The following ULK4 variants were observed in gnomAD, a reference collection of about 807,000 sequenced individuals.
The protein encoded by ULK4 is inactive serine/threonine-protein kinase ULK4.
A neutral mutation model predicts 160.6 loss-of-function variants in ULK4; 133 were observed. That is an observed-to-expected ratio of 0.83 (90% CI 0.72 to 0.96). The LOEUF (loss-of-function observed/expected upper bound fraction) is 0.96. Ranked by LOEUF, ULK4 falls within the 40% of genes least tolerant of loss-of-function variation. The pLI, the probability that ULK4 is intolerant of heterozygous loss-of-function variation, is 0.00. For synonymous variants in ULK4, 534 were observed against 539.8 expected, an observed-to-expected ratio of 0.99 and a Z score of 0.15; for missense variants, 1,580 against 1,499.5, an observed-to-expected ratio of 1.05 and a Z score of -0.89.
chr3:41,397,633 C>CCA (rs2082089709), intron 35 of ULK4, among the ~76,000 whole-genome samples: 1 of 152,072 alleles, frequency 6.6e-6, no homozygotes, highest in Non-Finnish European at 1.5e-5. Context: ...ATTAAAGACA[C>CCA]ATGTCTACCA....
chr3:41,355,968 T>C (rs1001315972), intron 35 of ULK4, among the ~76,000 whole-genome samples: 5 of 152,206 alleles, frequency 3.3e-5, no homozygotes, highest in African/African-American at 1.2e-4. Context: ...ATGCAAACCA[T>C]TTTTCTAGCC....
chr3:41,933,308 A>C (rs1430920939), intron 4 of ULK4, among the ~76,000 whole-genome samples: 2 of 152,134 alleles, frequency 1.3e-5, no homozygotes, highest in Admixed American at 6.5e-5. Context: ...GGATCAGCAA[A>C]CTTTTTTGTT....
At chr3:41,431,549 T>C (rs1381731667) in intron 34 of ULK4, among the ~76,000 whole-genome samples, 4 of 129,978 alleles carry the variant, frequency 3.1e-5, no homozygotes, top group Non-Finnish European at 6.5e-5. Context: ...TTCCCTCCCT[T>C]TTTTTTTTTT....
At chr3:41,802,465 T>C (rs1230754983) in intron 19 of ULK4, among the ~76,000 whole-genome samples, 1 of 152,038 alleles carries the variant, frequency 6.6e-6, no homozygotes, top group Non-Finnish European at 1.5e-5. Flanking sequence ...CCCAGCCAAT[T>C]TTTTTTATTT....
intron 30 of ULK4, among the ~76,000 whole-genome samples, chr3:41,630,150 T>G (rs745723391): frequency 8.5e-5 from 13 of 152,180 alleles, no homozygotes; most frequent in Non-Finnish European, 1.9e-4. Context: ...CTTAAGGCAA[T>G]ACCCATTTAT....
At chr3:41,814,462 G>A (rs2040907175) in intron 19 of ULK4, among the ~76,000 whole-genome samples, 1 of 152,148 alleles carries the variant, frequency 6.6e-6, no homozygotes, top group African/African-American at 2.4e-5. Context: ...TGGGCGGGTG[G>A]TGAGTTCTGT....
intron 3 of ULK4, chr3:41,937,051 C>G: frequency 2.6e-6 from 1 of 378,810 alleles, no homozygotes; most frequent in Non-Finnish European, 4.8e-6. Context: ...TACTATATAC[C>G]TACAAAAATT....
chr3:41,794,676 AAAAAAAAAAAC>A (rs1338879721), intron 20 of ULK4, among the ~76,000 whole-genome samples: 1 of 131,400 alleles, frequency 7.6e-6, no homozygotes, highest in Non-Finnish European at 1.6e-5. Context: ...AAAAAAAAAA[AAAAAAAAAAAC>A]ACAGAAAAAA....
At chr3:41,591,809 C>T (rs1000573159) in intron 31 of ULK4, among the ~76,000 whole-genome samples, 1 of 152,166 alleles carries the variant, frequency 6.6e-6, no homozygotes, top group African/African-American at 2.4e-5. Flanking sequence ...CCCCACGTTG[C>T]ACAGTTCATG....
At chr3:41,334,628 C>T (rs2080515796) in intron 35 of ULK4, among the ~76,000 whole-genome samples, 2 of 152,208 alleles carry the variant, frequency 1.3e-5, no homozygotes, top group Admixed American at 1.3e-4. Flanking sequence ...TCCTCCTCCA[C>T]TTCCAGGGCT....
intron 17 of ULK4, among the ~76,000 whole-genome samples, chr3:41,880,359 A>G (rs920586372): frequency 5.9e-5 from 9 of 152,236 alleles, no homozygotes; most frequent in Admixed American, 4.6e-4. Flanking sequence ...TTCTAAATGC[A>G]TAAAGGAGAT....
At chr3:41,359,144 C>T (rs1023827636) in intron 35 of ULK4, among the ~76,000 whole-genome samples, 4 of 152,184 alleles carry the variant, frequency 2.6e-5, no homozygotes, top group Non-Finnish European at 5.9e-5. Flanking sequence ...AAACTTGAAG[C>T]TGCCATGACT....
intron 30 of ULK4, among the ~76,000 whole-genome samples, chr3:41,654,319 C>G (rs368748032): frequency 1.5e-3 from 226 of 152,270 alleles, no homozygotes; most frequent in African/African-American, 5.3e-3. Context: ...TTTACTAACA[C>G]CTTTCAAAGA....
At chr3:41,625,468 G>C (rs117498645) in intron 30 of ULK4, among the ~76,000 whole-genome samples, 2 of 152,140 alleles carry the variant, frequency 1.3e-5, no homozygotes, top group African/African-American at 4.8e-5. Context: ...ACTCTGAATT[G>C]TGGCGCCATC....
chr3:41,687,754 C>A (rs909545003), intron 27 of ULK4: 1 of 152,182 alleles, frequency 6.6e-6, no homozygotes, highest in East Asian at 1.9e-4. Flanking sequence ...AAAGACACTT[C>A]CAAATAAGAA....
chr3:41,295,385 G>A (rs2079649718), intron 35 of ULK4, among the ~76,000 whole-genome samples: 1 of 133,122 alleles, frequency 7.5e-6, no homozygotes, highest in South Asian at 2.5e-4. Flanking sequence ...AGATAACATA[G>A]GAAAACAAAT....
intron 4 of ULK4, 135 bp downstream of exon 4, chr3:41,935,666 T>C: frequency 8.7e-7 from 1 of 1,146,824 alleles, no homozygotes. Flanking sequence ...CTGCCTCCTT[T>C]TATTTTAAAA....
At chr3:41,622,020 T>C (rs546484236) in intron 30 of ULK4, among the ~76,000 whole-genome samples, 1 of 152,300 alleles carries the variant, frequency 6.6e-6, no homozygotes, top group Admixed American at 6.5e-5. Context: ...AGAGCCATCA[T>C]CACTGGTCCT....
chr3:41,254,241 G>T lies in ULK4; in HGVS notation c.3679-4667C>A, dbSNP rs375124911. 3.9e-5 allele frequency among the ~76,000 whole-genome samples: 6 copies of T among 152,050 alleles called. No individual in the cohort carries two copies. In the East Asian group the frequency reaches 1.2e-3, roughly 29 times the overall value. Reference sequence around the variant, plus strand: ...TACTTACAAATGTATACAGTATTCTGTGTCATAAAACGTATCTTAACACAT... The same window carrying T: ...TACTTACAAATGTATACAGTATTCTTTGTCATAAAACGTATCTTAACACAT... On this transcript the variant is annotated intron_variant, in intron 35 of 36. Coordinates refer to ENST00000301831, the MANE Select transcript of ULK4 (RefSeq NM_017886.4).
Sources: gnomAD v4.1 joint callset for allele counts (sites outside exome capture counted in the v4.1 genomes callset) on GRCh38, gnomAD v4.1.1 for gene constraint, MANE v1.5 for transcripts, NCBI Gene and HGNC (gene_info 2026-07-23, HGNC 2026-07-21) for gene names.